The following ATP8A2 variants were observed in gnomAD, a reference collection of about 807,000 sequenced individuals.
The protein encoded by ATP8A2 is phospholipid-transporting ATPase IB.
ATP8A2 carries 100 observed loss-of-function variants against 165.6 expected under a neutral mutation model. The ratio of observed to expected loss-of-function variants is 0.60; its 90% confidence interval spans 0.51 to 0.71. The LOEUF (loss-of-function observed/expected upper bound fraction) is 0.71. Among genes scored for constraint, ATP8A2 ranks in the 30% least tolerant of loss-of-function variants. The pLI is 0.00. For synonymous variants in ATP8A2, 543 were observed against 548.8 expected, an observed-to-expected ratio of 0.99 and a Z score of 0.15; for missense variants, 1,227 against 1,479.5, an observed-to-expected ratio of 0.83 and a Z score of 2.80.
intron 30 of ATP8A2, among the ~76,000 whole-genome samples, chr13:25,859,311 A>T (rs1041109673): frequency 6.6e-6 from 1 of 152,136 alleles, no homozygotes; most frequent in Admixed American, 6.5e-5. Context: ...CCTCAGCATC[A>T]CACAGTATAC....
intron 25 of ATP8A2, among the ~76,000 whole-genome samples, chr13:25,718,230 A>G (rs2043298038): frequency 6.6e-6 from 1 of 152,236 alleles, no homozygotes; most frequent in Admixed American, 6.5e-5. Context: ...GTAATAAAAT[A>G]GAGTAAATCT....
At chr13:25,512,001 T>G (rs2137772012) in intron 2 of ATP8A2, among the ~76,000 whole-genome samples, 1 of 151,624 alleles carries the variant, frequency 6.6e-6, no homozygotes, top group Middle Eastern at 3.4e-3. Context: ...TGAACAAAGG[T>G]CTCTAGTTTT....
intron 25 of ATP8A2, among the ~76,000 whole-genome samples, chr13:25,702,853 G>A (rs1377905054): frequency 6.6e-6 from 1 of 152,050 alleles, no homozygotes; most frequent in African/African-American, 2.4e-5. Flanking sequence ...TTCTTCTGTG[G>A]CACCTTTCTC....
chr13:25,571,724 A>G (rs1286927305), intron 18 of ATP8A2, 32 bp downstream of exon 18: 2 of 1,554,180 alleles, frequency 1.3e-6, no homozygotes, highest in East Asian at 2.2e-5. Context: ...ATTTCAGATC[A>G]CCTGCTTTTG....
intron 33 of ATP8A2, among the ~76,000 whole-genome samples, chr13:25,890,029 G>A (rs1006804704): frequency 3.3e-5 from 5 of 152,038 alleles, no homozygotes; most frequent in Non-Finnish European, 5.9e-5. Flanking sequence ...AGGCGTGGTG[G>A]CACGTGCCTG....
chr13:25,479,981 T>A (rs2036113261), intron 2 of ATP8A2, among the ~76,000 whole-genome samples: 1 of 152,244 alleles, frequency 6.6e-6, no homozygotes, highest in Non-Finnish European at 1.5e-5. Context: ...ATTGTCATCA[T>A]GGCCCGTTCT....
chr13:25,649,545 G>T (rs2041761713), intron 24 of ATP8A2, among the ~76,000 whole-genome samples: 5 of 152,146 alleles, frequency 3.3e-5, no homozygotes, highest in Admixed American at 3.3e-4. Context: ...AAGTGTTGAG[G>T]TTAAGTGCTG....
intron 15 of ATP8A2, among the ~76,000 whole-genome samples, chr13:25,561,840 T>C (rs2039165701): frequency 6.6e-6 from 1 of 152,216 alleles, no homozygotes; most frequent in Admixed American, 6.5e-5. Flanking sequence ...ATTTTGCCTG[T>C]TCTAGGTACC....
intron 27 of ATP8A2, among the ~76,000 whole-genome samples, chr13:25,809,557 C>A (rs1008167050): frequency 6.6e-6 from 1 of 152,048 alleles, no homozygotes; most frequent in Non-Finnish European, 1.5e-5. Flanking sequence ...TTATTATGCT[C>A]CAGCTGTATT....
At chr13:25,730,431 T>C (rs977655) in intron 25 of ATP8A2, among the ~76,000 whole-genome samples, 74,752 of 151,954 alleles carry the variant, frequency 0.49, 18,894 homozygotes, top group Middle Eastern at 0.63. Context: ...TGGGGACTAC[T>C]TTCTATTACA....
chr13:25,856,789 G>C (rs998732654), intron 30 of ATP8A2, among the ~76,000 whole-genome samples: 8 of 152,100 alleles, frequency 5.3e-5, no homozygotes, highest in Non-Finnish European at 2.9e-5. Context: ...AATGAAGTTT[G>C]TATTGTATTT....
At chr13:25,603,667 T>C (rs2040446001) in intron 24 of ATP8A2, among the ~76,000 whole-genome samples, 1 of 151,650 alleles carries the variant, frequency 6.6e-6, no homozygotes, top group African/African-American at 2.4e-5. Flanking sequence ...TCTGGGCATA[T>C]AGTATTTTGA....
intron 25 of ATP8A2, among the ~76,000 whole-genome samples, chr13:25,724,589 T>A (rs765450971): frequency 1.3e-5 from 2 of 152,224 alleles, no homozygotes; most frequent in Admixed American, 1.3e-4. Context: ...AAATACCCAG[T>A]GGCCTCATCT....
intron 27 of ATP8A2, among the ~76,000 whole-genome samples, chr13:25,820,861 G>A (rs376392600): frequency 4.3e-4 from 66 of 152,048 alleles, no homozygotes; most frequent in East Asian, 1.4e-3. Context: ...AAATTTGAGC[G>A]TTTCAATGTA....
intron 9 of ATP8A2, among the ~76,000 whole-genome samples, chr13:25,542,470 T>C (rs536684751): frequency 6.6e-6 from 1 of 152,234 alleles, no homozygotes; most frequent in South Asian, 2.1e-4. Context: ...TATTCTTCCT[T>C]TAGAATATTC....
intron 2 of ATP8A2, among the ~76,000 whole-genome samples, chr13:25,517,518 A>G (rs1421989811): frequency 6.6e-6 from 1 of 152,250 alleles, no homozygotes; most frequent in Non-Finnish European, 1.5e-5. Flanking sequence ...TAGGAGCAGG[A>G]CAGTCACACT....
intron 33 of ATP8A2, among the ~76,000 whole-genome samples, chr13:25,924,639 G>C (rs571188108): frequency 1.3e-3 from 54 of 41,478 alleles, no homozygotes; most frequent in African/African-American, 3.8e-3. Context: ...TTCAACATTT[G>C]ATTGGGGGGG....
At chr13:25,690,842 T>C (rs548572224) in intron 24 of ATP8A2, among the ~76,000 whole-genome samples, 3 of 151,738 alleles carry the variant, frequency 2.0e-5, no homozygotes, top group East Asian at 4.0e-4. Context: ...ACTCCAATCT[T>C]AGATTTCTAC....
At chr13:25,748,691 C>T (rs1328969208) in intron 25 of ATP8A2, among the ~76,000 whole-genome samples, 1 of 152,110 alleles carries the variant, frequency 6.6e-6, no homozygotes, top group Non-Finnish European at 1.5e-5. Flanking sequence ...TGCTTCAGGG[C>T]CTGTTCATCA....
Sources: allele counts gnomAD v4.1 joint callset (sites outside exome capture counted in the v4.1 genomes callset), GRCh38; gene constraint gnomAD v4.1.1; transcripts MANE v1.5; gene names NCBI Gene and HGNC (gene_info 2026-07-23, HGNC 2026-07-21).